The following OR9Q1 variants were observed in gnomAD, a reference collection of about 807,000 sequenced individuals.
OR9Q1 encodes olfactory receptor family 9 subfamily Q member 1.
For missense variants in OR9Q1, 374 were observed against 378.8 expected (o/e 0.99, Z 0.11); for synonymous variants, 153 against 148.6 (o/e 1.03, Z -0.22).
chr11:58,032,978 C>G (rs902535271), intron 1 of OR9Q1, among the ~76,000 whole-genome samples: 1 of 152,162 alleles, frequency 6.6e-6, no homozygotes, highest in Non-Finnish European at 1.5e-5. Context: ...AAGAAGATAT[C>G]CAAGTTGTAA....
chr11:58,147,813 T>C (rs969465388), intron 2 of OR9Q1, among the ~76,000 whole-genome samples: 1 of 152,180 alleles, frequency 6.6e-6, no homozygotes, highest in Non-Finnish European at 1.5e-5. Context: ...TCAGATTCTG[T>C]GCTGAGTTTT....
At chr11:58,178,738 AC>A (rs1854627984) in intron 2 of OR9Q1, among the ~76,000 whole-genome samples, 1 of 151,660 alleles carries the variant, frequency 6.6e-6, no homozygotes, top group Non-Finnish European at 1.5e-5. Flanking sequence ...GAGAATGTGC[AC>A]CCCTGTTCTG....
intron 1 of OR9Q1, chr11:58,026,793 T>C (rs1852978719): frequency 6.6e-6 from 1 of 151,974 alleles, no homozygotes; most frequent in Admixed American, 6.6e-5. Flanking sequence ...TTTTAGTATA[T>C]ATGATGCCGA....
At chr11:58,066,607 G>T (rs1241932270) in intron 2 of OR9Q1, among the ~76,000 whole-genome samples, 1 of 152,048 alleles carries the variant, frequency 6.6e-6, no homozygotes, top group Non-Finnish European at 1.5e-5. Flanking sequence ...CCCCATCCTT[G>T]CCTCTAGCAC....
intron 2 of OR9Q1, among the ~76,000 whole-genome samples, chr11:58,178,743 T>A (rs1168098443): frequency 6.6e-6 from 1 of 151,808 alleles, no homozygotes; most frequent in Non-Finnish European, 1.5e-5. Flanking sequence ...TGTGCACCCC[T>A]GTTCTGAGAA....
Position 58,179,839 on chromosome 11 carries a change from A to G in OR9Q1, c.395A>G (p.Tyr132Cys), listed in dbSNP as rs1261873034. The change falls in exon 3 of 3, where the codon TAT becomes TGT. Residue 132 changes from tyrosine (Y) to cysteine (C), a missense_variant. Physicochemically the swap from Tyr to Cys is radical, Grantham distance 194. Transcript: ENST00000335397. ...RYLAVCQPLL[Y>C]VTILTQQARL... ...TTGGCTGTGTGCCAGCCCCTGCTTT[A>G]TGTCACCATCCTGACACAGCAGGCC... 1.2e-6 allele frequency: 2 copies of G among 1,614,058 alleles called. No homozygotes were observed. The highest frequency in any genetic ancestry group is 4.5e-5 in the East Asian group (2 of 44,862).
At chr11:58,149,277 ATTAGCTCT>A (rs1472778336) in intron 2 of OR9Q1, among the ~76,000 whole-genome samples, 1 of 152,156 alleles carries the variant, frequency 6.6e-6, no homozygotes, top group Non-Finnish European at 1.5e-5. Context: ...AATTCAATAA[ATTAGCTCT>A]TTATTGAGGA....
intron 1 of OR9Q1, among the ~76,000 whole-genome samples, chr11:58,045,992 C>T (rs905950485): frequency 3.3e-5 from 5 of 152,178 alleles, no homozygotes; most frequent in African/African-American, 9.6e-5. Context: ...TGTCTCCATA[C>T]ATTGTCATTG....
intron 1 of OR9Q1, among the ~76,000 whole-genome samples, chr11:58,027,069 T>C (rs188997356): frequency 6.6e-6 from 1 of 152,324 alleles, no homozygotes; most frequent in East Asian, 1.9e-4. Flanking sequence ...GTTTCTGATT[T>C]GGAATTCAAG....
intron 2 of OR9Q1, among the ~76,000 whole-genome samples, chr11:58,067,070 C>T (rs1056450136): frequency 4.0e-5 from 6 of 150,706 alleles, no homozygotes; most frequent in Admixed American, 2.0e-4. Flanking sequence ...CTCGTTCTGT[C>T]GCCCAGGCTG....
At chr11:58,065,074 A>T (rs781376320) in intron 2 of OR9Q1, among the ~76,000 whole-genome samples, 1 of 152,178 alleles carries the variant, frequency 6.6e-6, no homozygotes, top group Non-Finnish European at 1.5e-5. Flanking sequence ...GGAGGCACAT[A>T]AACAGCATCG....
intron 2 of OR9Q1, among the ~76,000 whole-genome samples, chr11:58,140,094 G>C (rs1854231625): frequency 6.6e-6 from 1 of 152,132 alleles, no homozygotes. Flanking sequence ...CTTTCGAGAA[G>C]TGTCTGTTCA....
chr11:58,037,029 T>C (rs2119928608), intron 1 of OR9Q1, among the ~76,000 whole-genome samples: 1 of 152,290 alleles, frequency 6.6e-6, no homozygotes, highest in African/African-American at 2.4e-5. Context: ...GAGAAATTTT[T>C]CACAAAAAGA....
At chr11:58,120,152 C>T (rs1590601646) in intron 2 of OR9Q1, among the ~76,000 whole-genome samples, 1 of 152,138 alleles carries the variant, frequency 6.6e-6, no homozygotes, top group Non-Finnish European at 1.5e-5. Flanking sequence ...CCATCATCTT[C>T]AACATATTGC....
intron 2 of OR9Q1, among the ~76,000 whole-genome samples, chr11:58,086,846 G>A (rs940063793): frequency 1.3e-5 from 2 of 151,766 alleles, no homozygotes; most frequent in Non-Finnish European, 1.5e-5. Context: ...CAGAGGCTGG[G>A]AGAAGGGAGT....
intron 2 of OR9Q1, among the ~76,000 whole-genome samples, chr11:58,070,209 T>G (rs1565067582): frequency 6.6e-6 from 1 of 150,484 alleles, no homozygotes. Flanking sequence ...TGGGTGGGGG[T>G]TTCACCATGT....
chr11:58,047,927 T>A (rs930315009), intron 1 of OR9Q1, among the ~76,000 whole-genome samples: 1 of 152,088 alleles, frequency 6.6e-6, no homozygotes, highest in African/African-American at 2.4e-5. Flanking sequence ...TTCTCCCATA[T>A]CTATGCTTGT....
chr11:58,124,832 C>T (rs1854072698), intron 2 of OR9Q1, among the ~76,000 whole-genome samples: 1 of 152,162 alleles, frequency 6.6e-6, no homozygotes. Context: ...ATCCTGGCAA[C>T]CATTTATCGA....
Position 58,055,888 on chromosome 11 carries a change from G to T in OR9Q1, c.-74G>T. On this transcript the variant is annotated 5_prime_UTR_variant, in exon 2 of 3. Transcript: ENST00000335397. ...TCTTCAGCCATGTAAGCACCAAGAA[G>T]ACCCTTACCAGACACTGCATGCTGG... The T allele has an allele frequency of 6.6e-6, 1 of 151,622 alleles. No individual in the cohort carries two copies. The highest frequency in any genetic ancestry group is 1.5e-5 in the Non-Finnish European group (1 of 68,244). 9.4% of individuals were successfully genotyped at this position (151,622 alleles called of 1,614,324 possible).
Sources: gnomAD v4.1 joint callset for allele counts (sites outside exome capture counted in the v4.1 genomes callset) on GRCh38, gnomAD v4.1.1 for gene constraint, MANE v1.5 for transcripts, NCBI Gene and HGNC (gene_info 2026-07-23, HGNC 2026-07-21) for gene names.